ADAMTS6: variants seen among roughly 807,000 people sequenced by gnomAD.
ADAMTS6 encodes ADAM metallopeptidase with thrombospondin type 1 motif 6, also known as A disintegrin and metalloproteinase with thrombospondin motifs 6.
Under a neutral mutation model 144.3 loss-of-function variants are expected in ADAMTS6, and 23 were observed. The observed-to-expected ratio is 0.16, with a 90% CI of 0.11 to 0.23. ADAMTS6 has a LOEUF of 0.23. Among genes scored for constraint, ADAMTS6 ranks in the 10% least tolerant of loss-of-function variants. The probability of loss-of-function intolerance (pLI) is 1.00; values close to 1 mark genes in which losing one functional copy is unlikely to be tolerated. For synonymous variants in ADAMTS6, 444 were observed against 457.5 expected (o/e 0.97, Z 0.38); for missense variants, 999 against 1,379.6 (o/e 0.72, Z 4.37).
intron 11 of ADAMTS6, among the ~76,000 whole-genome samples, chr5:65,275,408 A>G (rs1233256224): frequency 7.3e-6 from 1 of 136,472 alleles, no homozygotes; most frequent in Non-Finnish European, 1.6e-5. Context: ...AGAAAGAAAG[A>G]AAGAAAGAAA....
chr5:65,293,702 C>T (rs1742549563), intron 10 of ADAMTS6, among the ~76,000 whole-genome samples: 1 of 151,558 alleles, frequency 6.6e-6, no homozygotes, highest in Non-Finnish European at 1.5e-5. Context: ...TAAAAAATAC[C>T]AAACCAGAGG....
rs377433243 is a variant in ADAMTS6, at chr5:65,225,062, G to C, written c.2068-15C>G. 2 of 1,609,622 alleles carry C rather than the reference G, an allele frequency of 1.2e-6. No individual in the cohort carries two copies. Among genetic ancestry groups the C allele is most frequent in the Non-Finnish European group, 1.7e-6 (2 of 1,178,434 alleles). On this transcript the variant is annotated splice_polypyrimidine_tract_variant and intron_variant, in intron 16 of 24. Coordinates refer to ENST00000381055, the MANE Select transcript of ADAMTS6 (RefSeq NM_197941.4). The stretch of plus-strand genomic sequence containing the variant: ...CAGCCTACGTGCTGAAAACAGAGAG[G>C]AATATTCAGTGTGTCAAGAGAGAAA...
intron 24 of ADAMTS6, among the ~76,000 whole-genome samples, chr5:65,160,844 G>T (rs376980714): frequency 2.0e-5 from 3 of 150,930 alleles, no homozygotes; most frequent in African/African-American, 7.3e-5. Flanking sequence ...TAGAGACAGG[G>T]TTTCTCCATG....
intron 11 of ADAMTS6, among the ~76,000 whole-genome samples, chr5:65,281,970 C>T (rs189129598): frequency 2.0e-5 from 3 of 151,862 alleles, no homozygotes; most frequent in East Asian, 1.9e-4. Flanking sequence ...TTCTATTTAC[C>T]GAGGAAAATT....
chr5:65,247,380 A>C (rs953731944), intron 14 of ADAMTS6, among the ~76,000 whole-genome samples: 2 of 152,208 alleles, frequency 1.3e-5, no homozygotes, highest in African/African-American at 4.8e-5. Flanking sequence ...GAGGCCTAAA[A>C]GTTGCTACAG....
chr5:65,460,241 G>C lies in ADAMTS6; in HGVS notation c.560C>G (p.Pro187Arg). The C allele has an allele frequency of 6.2e-7, 1 of 1,614,078 alleles. No individual in the cohort carries two copies. The highest frequency in any genetic ancestry group is 8.5e-7 in the Non-Finnish European group (1 of 1,179,978). ...SKHFSYENGH[P>R]HVIYKKSALQ... ...GGCAGACTTTTTGTAAATAACATGA[G>C]GGTGGCCATTTTCATAACTAAAATG... Residue 187 changes from proline (P) to arginine (R), a missense_variant, in exon 4 of 25, where the codon CCT becomes CGT. Pro to Arg is a moderately radical substitution (Grantham distance 103). Coordinates refer to ENST00000381055, the MANE Select transcript of ADAMTS6 (RefSeq NM_197941.4).
chr5:65,442,288 C>T (rs1355962918), intron 7 of ADAMTS6, among the ~76,000 whole-genome samples: 2 of 152,046 alleles, frequency 1.3e-5, no homozygotes, highest in African/African-American at 2.4e-5. Context: ...TATGCCAATA[C>T]ACTTCACCAC....
chr5:65,458,376 A>C (rs1005217156), intron 4 of ADAMTS6, among the ~76,000 whole-genome samples: 15 of 152,200 alleles, frequency 9.9e-5, no homozygotes, highest in African/African-American at 3.6e-4. Context: ...AAACAAAAGG[A>C]TAATACATAT....
intron 11 of ADAMTS6, among the ~76,000 whole-genome samples, chr5:65,285,403 A>T (rs1763285811): frequency 6.6e-6 from 1 of 152,096 alleles, no homozygotes; most frequent in South Asian, 2.1e-4. Context: ...TCTATTTGTC[A>T]AATATTTATT....
intron 11 of ADAMTS6, among the ~76,000 whole-genome samples, chr5:65,285,347 A>G (rs1310790625): frequency 1.3e-5 from 2 of 152,066 alleles, no homozygotes; most frequent in African/African-American, 4.8e-5. Flanking sequence ...CGGTCTTCCC[A>G]AAGGTCCTCT....
intron 12 of ADAMTS6, among the ~76,000 whole-genome samples, chr5:65,267,397 A>G (rs868369897): frequency 6.6e-6 from 1 of 152,104 alleles, no homozygotes. Context: ...AGGTTAAAGA[A>G]GTGAAGCCAT....
intron 14 of ADAMTS6, among the ~76,000 whole-genome samples, chr5:65,252,142 G>GA (rs1760219444): frequency 6.6e-6 from 1 of 152,142 alleles, no homozygotes; most frequent in Admixed American, 6.5e-5. Context: ...CCAGTGTAGG[G>GA]ATCCACATAG....
intron 3 of ADAMTS6, among the ~76,000 whole-genome samples, chr5:65,460,828 G>C (rs1403467106): frequency 6.6e-6 from 1 of 152,040 alleles, no homozygotes; most frequent in Non-Finnish European, 1.5e-5. Context: ...AAATACCTAG[G>C]GTAGGTAGAA....
intron 20 of ADAMTS6, among the ~76,000 whole-genome samples, chr5:65,207,749 A>G (rs1157946340): frequency 1.3e-5 from 2 of 152,278 alleles, no homozygotes; most frequent in Non-Finnish European, 2.9e-5. Flanking sequence ...ATCAGTGTTC[A>G]TAATAACTGA....
At chr5:65,210,681 C>G in intron 20 of ADAMTS6, 1 of 633,378 alleles carries the variant, frequency 1.6e-6, no homozygotes, top group Non-Finnish European at 3.0e-6. Flanking sequence ...ATTCTGAAAG[C>G]AAATAATTTA....
chr5:65,424,981 A>G (rs1281968374), intron 7 of ADAMTS6, among the ~76,000 whole-genome samples: 1 of 151,732 alleles, frequency 6.6e-6, no homozygotes, highest in African/African-American at 2.4e-5. Flanking sequence ...AGTGATATAC[A>G]CAGATTTTTT....
chr5:65,158,973 G>T (rs1331599055), intron 24 of ADAMTS6, among the ~76,000 whole-genome samples: 1 of 151,744 alleles, frequency 6.6e-6, no homozygotes, highest in Non-Finnish European at 1.5e-5. Flanking sequence ...TCTTATTAAA[G>T]CTTCAGAGGA....
intron 20 of ADAMTS6, among the ~76,000 whole-genome samples, chr5:65,199,298 G>C (rs1755587021): frequency 6.6e-6 from 1 of 152,086 alleles, no homozygotes; most frequent in African/African-American, 2.4e-5. Flanking sequence ...TCCTTGACTT[G>C]TAGAAACTGA....
chr5:65,453,067 A>C (rs1758875914), intron 4 of ADAMTS6, 149 bp from the exon 5 acceptor site: 1 of 564,758 alleles, frequency 1.8e-6, no homozygotes. Flanking sequence ...GTGAGAAAAA[A>C]GTCTGTAAAT....
Sources: allele counts gnomAD v4.1 joint callset (sites outside exome capture counted in the v4.1 genomes callset), GRCh38; gene constraint gnomAD v4.1.1; transcripts MANE v1.5; gene names NCBI Gene and HGNC (gene_info 2026-07-23, HGNC 2026-07-21).